NCOA7: variants seen among roughly 807,000 people sequenced by gnomAD.
NCOA7 encodes the protein 140 kDa estrogen receptor-associated protein.
In NCOA7, 45 loss-of-function variants were observed where a neutral mutation model predicts 104.3. The observed-to-expected ratio is 0.43, with a 90% CI of 0.34 to 0.55. NCOA7 has a LOEUF of 0.55. NCOA7 is among the 20% of genes least tolerant of loss of function. The probability of loss-of-function intolerance (pLI) is 0.02; values close to 1 mark genes in which losing one functional copy is unlikely to be tolerated. For missense variants in NCOA7, 1,041 were observed against 1,119.7 expected (o/e 0.93, Z 1.00); for synonymous variants, 398 against 402.3 (o/e 0.99, Z 0.13).
chr6:125,880,571 A>G (rs1389648297), intron 5 of NCOA7, among the ~76,000 whole-genome samples: 1 of 151,860 alleles, frequency 6.6e-6, no homozygotes, highest in African/African-American at 2.4e-5. Context: ...TCTGTCACCC[A>G]GGCTGGAGTG....
At chr6:125,913,676 T>C in intron 10 of NCOA7, 5 of 983,078 alleles carry the variant, frequency 5.1e-6, no homozygotes, top group Non-Finnish European at 6.0e-6. Flanking sequence ...AATACACCTT[T>C]AAAGTATAAG....
intron 3 of NCOA7, among the ~76,000 whole-genome samples, chr6:125,868,134 G>A (rs1425418975): frequency 6.6e-6 from 1 of 151,938 alleles, no homozygotes; most frequent in Admixed American, 6.5e-5. Context: ...GAATTTTTTT[G>A]TTCTTTTTAA....
At chr6:125,856,565 G>A (rs1175559879) in intron 3 of NCOA7, among the ~76,000 whole-genome samples, 2 of 152,116 alleles carry the variant, frequency 1.3e-5, no homozygotes, top group Admixed American at 6.5e-5. Flanking sequence ...TGTTAGCCAG[G>A]ATGGTCTCGA....
At position 125,909,198 on chromosome 6, in the gene NCOA7, G is replaced by C. The variant is rs1224178226; in HGVS notation, c.2097-6135G>C. 2.6e-5 allele frequency among the ~76,000 whole-genome samples: 4 copies of C among 152,248 alleles called. No homozygotes were observed. In the East Asian group the frequency reaches 7.7e-4, roughly 29 times the overall value. Reference sequence around the variant, plus strand: ...TGGAATGAGAGGAGGACTTTTTAGTGTGATAGAAAGAACGCTGATTGCCAC... The same window carrying C: ...TGGAATGAGAGGAGGACTTTTTAGTCTGATAGAAAGAACGCTGATTGCCAC... On this transcript the variant is annotated intron_variant, in intron 10 of 15. Coordinates refer to ENST00000392477, the MANE Select transcript of NCOA7 (RefSeq NM_181782.5).
At chr6:125,836,245 A>G (rs1779599252) in intron 2 of NCOA7, among the ~76,000 whole-genome samples, 1 of 152,200 alleles carries the variant, frequency 6.6e-6, no homozygotes, top group Admixed American at 6.5e-5. Context: ...TAAAAAATGT[A>G]TAGTTGTCAT....
intron 11 of NCOA7, among the ~76,000 whole-genome samples, 195 bp from the exon 12 acceptor site, chr6:125,920,748 C>T (rs770583213): frequency 2.0e-5 from 3 of 152,076 alleles, no homozygotes; most frequent in South Asian, 2.1e-4. Flanking sequence ...TTAACTGCCT[C>T]GATTGTACTG....
chr6:125,892,402 G>A (rs1389873937), intron 10 of NCOA7, among the ~76,000 whole-genome samples: 1 of 152,048 alleles, frequency 6.6e-6, no homozygotes, highest in Admixed American at 6.6e-5. Flanking sequence ...AGTGGTTTTT[G>A]TGAGCTTTTA....
intron 10 of NCOA7, among the ~76,000 whole-genome samples, chr6:125,907,142 C>G (rs1786085136): frequency 6.6e-6 from 1 of 152,198 alleles, no homozygotes; most frequent in Non-Finnish European, 1.5e-5. Context: ...CATGAGGGCC[C>G]TGTCTACGTG....
intron 2 of NCOA7, among the ~76,000 whole-genome samples, chr6:125,844,150 G>A (rs1436136940): frequency 1.3e-5 from 2 of 152,156 alleles, no homozygotes; most frequent in Non-Finnish European, 2.9e-5. Flanking sequence ...TCCCCTGATT[G>A]GCATTCTGTT....
At chr6:125,925,301 G>A (rs1395635977) in intron 13 of NCOA7, among the ~76,000 whole-genome samples, 1 of 152,194 alleles carries the variant, frequency 6.6e-6, no homozygotes, top group African/African-American at 2.4e-5. Context: ...GAAGAAGGCT[G>A]TAGCCATGAA....
chr6:125,901,927 G>A (rs6900852), intron 10 of NCOA7, among the ~76,000 whole-genome samples: 74,643 of 151,898 alleles, frequency 0.49, 19,266 homozygotes, highest in Admixed American at 0.62. Context: ...GAACTCCTCC[G>A]ACCGTCCCCG....
At chr6:125,790,831 C>G (rs1000972270), upstream of NCOA7, 1 of 152,254 alleles carries the variant, frequency 6.6e-6, no homozygotes, top group Non-Finnish European at 1.5e-5. Flanking sequence ...CTAAGACACC[C>G]CGACTGCGGC....
At chr6:125,819,211 T>C (rs939061751) in intron 2 of NCOA7, among the ~76,000 whole-genome samples, 1 of 152,152 alleles carries the variant, frequency 6.6e-6, no homozygotes, top group Admixed American at 6.6e-5. Flanking sequence ...GTTTGATAAA[T>C]AGTCCTTTGC....
intron 2 of NCOA7, among the ~76,000 whole-genome samples, chr6:125,850,536 G>A (rs1781024693): frequency 6.6e-6 from 1 of 152,158 alleles, no homozygotes; most frequent in Non-Finnish European, 1.5e-5. Context: ...TCTCTAATGA[G>A]ATGTCCCCAA....
At chr6:125,783,833 T>TATTTTTTATTTTTTTA (rs1774340637) in intron 1 of NCOA7, among the ~76,000 whole-genome samples, 1 of 152,358 alleles carries the variant, frequency 6.6e-6, no homozygotes, top group African/African-American at 2.4e-5. Context: ...TGATTTTCTG[T>TATTTTTTATTTTTTTA]ATTTTTTAAT....
Position 125,823,821 on chromosome 6 carries a change from AT to A in NCOA7, c.50+8427del, listed in dbSNP as rs1024552997. Among the ~76,000 whole-genome samples, 48 of 148,836 alleles carry A rather than the reference AT, an allele frequency of 3.2e-4. 1 individual carries two copies. Among genetic ancestry groups the A allele is most frequent in the Middle Eastern group, 3.5e-3 (1 of 288 alleles). On this transcript the variant is annotated intron_variant, in intron 2 of 15. Transcript: ENST00000392477. The stretch of plus-strand genomic sequence containing the variant: ...ATCAGTTTAGTGGATAAGAAACAGC[AT>A]TTTTTTTTTAATGGAACAGAACAGA...
chr6:125,830,299 T>C (rs1489258481), intron 2 of NCOA7, among the ~76,000 whole-genome samples: 1 of 152,206 alleles, frequency 6.6e-6, no homozygotes, highest in Non-Finnish European at 1.5e-5. Context: ...TCCCTGAACC[T>C]TTTCCAGGAT....
intron 11 of NCOA7, among the ~76,000 whole-genome samples, chr6:125,920,283 G>A (rs1004416620): frequency 5.9e-5 from 9 of 152,124 alleles, no homozygotes; most frequent in Admixed American, 3.9e-4. Flanking sequence ...GTTATCATTC[G>A]TTATTTCTAA....
intron 13 of NCOA7, 95 bp from the exon 14 acceptor site, chr6:125,927,568 G>T: frequency 1.1e-6 from 1 of 890,514 alleles, no homozygotes; most frequent in Non-Finnish European, 1.9e-6. Flanking sequence ...TGCTGAAATA[G>T]ATCTCAGAAC....
Sources: allele counts gnomAD v4.1 joint callset (sites outside exome capture counted in the v4.1 genomes callset), GRCh38; gene constraint gnomAD v4.1.1; transcripts MANE v1.5; gene names NCBI Gene and HGNC (gene_info 2026-07-23, HGNC 2026-07-21).